Variants in GALNT9 observed in about 807,000 individuals in gnomAD.
GALNT9 encodes polypeptide N-acetylgalactosaminyltransferase 9.
Under a neutral mutation model 63.1 loss-of-function variants are expected in GALNT9, and 47 were observed. The observed-to-expected ratio is 0.75, with a 90% CI of 0.59 to 0.95. The LOEUF (loss-of-function observed/expected upper bound fraction) is 0.95. Ranked by LOEUF, GALNT9 falls within the 40% of genes least tolerant of loss-of-function variation. The pLI is 0.00. For synonymous variants in GALNT9, 396 were observed against 365.7 expected, an observed-to-expected ratio of 1.08 and a Z score of -0.94; for missense variants, 829 against 874.8, an observed-to-expected ratio of 0.95 and a Z score of 0.66.
chr12:132,307,900 G>A (rs1555244792), intron 1 of GALNT9, among the ~76,000 whole-genome samples: 1 of 151,902 alleles, frequency 6.6e-6, no homozygotes, highest in African/African-American at 2.4e-5. Context: ...GCTGGGCGCA[G>A]TGGCTCACAC....
In GALNT9 at chr12:132,250,956, A is replaced by G. The variant is rs536442780; in HGVS notation, c.960-2929T>C. ...GGCCTAGTGAGCCCGGTGCCCGTGAACCTGGGATAGGTACGTAAACAGCAG... is the reference window on the plus strand; with the variant it reads ...GGCCTAGTGAGCCCGGTGCCCGTGAGCCTGGGATAGGTACGTAAACAGCAG... On this transcript the variant is annotated intron_variant, in intron 5 of 10. Transcript: ENST00000328957. Among the ~76,000 whole-genome samples, 8 of 152,302 alleles carry G rather than the reference A, an allele frequency of 5.3e-5. No homozygotes were observed. In the South Asian group the frequency reaches 1.0e-3, roughly 20 times the overall value.
chr12:132,318,271 C>T (rs1371721787), intron 1 of GALNT9, among the ~76,000 whole-genome samples: 1 of 152,228 alleles, frequency 6.6e-6, no homozygotes, highest in South Asian at 2.1e-4. Flanking sequence ...CAAGCGTGGG[C>T]GGCAGGACGC....
intron 1 of GALNT9, among the ~76,000 whole-genome samples, chr12:132,311,764 G>A (rs771763310): frequency 9.9e-5 from 15 of 152,054 alleles, no homozygotes; most frequent in South Asian, 2.1e-4. Flanking sequence ...ATCACCTTCC[G>A]GCAATCCAGG....
intron 1 of GALNT9, among the ~76,000 whole-genome samples, chr12:132,322,838 T>C (rs1868866442): frequency 6.6e-6 from 1 of 152,178 alleles, no homozygotes; most frequent in Non-Finnish European, 1.5e-5. Flanking sequence ...AGTTTCTCCT[T>C]CCTGTGAATG....
chr12:132,198,759 C>T (rs1425267087), intron 9 of GALNT9, among the ~76,000 whole-genome samples: 3 of 152,200 alleles, frequency 2.0e-5, no homozygotes, highest in African/African-American at 4.8e-5. Flanking sequence ...TCAGGTGATC[C>T]TCCTGCCTCA....
chr12:132,229,696 C>G (rs902373125), intron 6 of GALNT9, among the ~76,000 whole-genome samples: 20 of 152,364 alleles, frequency 1.3e-4, no homozygotes, highest in African/African-American at 4.8e-4. Flanking sequence ...TGGGAAGCCA[C>G]CAGCCTCTCC....
rs750877406 is a variant in GALNT9, at chr12:132,203,705, C to T, written c.1078-15G>A. 34 of 1,607,110 alleles carry T rather than the reference C, an allele frequency of 2.1e-5. No individual in the cohort carries two copies. Among genetic ancestry groups the T allele is most frequent in the Middle Eastern group, 1.8e-4 (1 of 5,704 alleles). On this transcript the variant is annotated splice_polypyrimidine_tract_variant and intron_variant, in intron 6 of 10. Transcript: ENST00000328957. ...CACTGCCACACCTGCGGGGAGACGGCGCTGGGTGCCGGCGTCCTTCCCAAC... is the reference window on the plus strand; with the variant it reads ...CACTGCCACACCTGCGGGGAGACGGTGCTGGGTGCCGGCGTCCTTCCCAAC...
At chr12:132,304,183 A>G (rs1431905678) in intron 1 of GALNT9, among the ~76,000 whole-genome samples, 5 of 22,452 alleles carry the variant, frequency 2.2e-4, no homozygotes, top group Admixed American at 5.4e-4. Flanking sequence ...ACCCTCACCC[A>G]GACACGCCCT....
At chr12:132,260,473 T>A (rs181103004) in intron 4 of GALNT9, among the ~76,000 whole-genome samples, 5,110 of 148,312 alleles carry the variant, frequency 0.034, 138 homozygotes, top group East Asian at 0.082. Context: ...CCCCTTGCAC[T>A]AGGCTAAGGC....
chr12:132,226,282 A>G (rs2135523659), intron 6 of GALNT9, among the ~76,000 whole-genome samples: 1 of 149,572 alleles, frequency 6.7e-6, no homozygotes, highest in African/African-American at 2.5e-5. Context: ...CACCCCACAC[A>G]TACACCTCAT....
In GALNT9 at chr12:132,197,938, C is replaced by A; in HGVS notation, c.1519G>T (p.Gly507Ter). The A allele has an allele frequency of 6.2e-7, 1 of 1,611,284 alleles. No homozygotes were observed. The highest frequency in any genetic ancestry group is 8.5e-7 in the Non-Finnish European group (1 of 1,179,364). Reference sequence around the variant, plus strand: ...CCCAGAGGCCCCAGCTGCAGCAGTCCATCAGCGCTGTACCGCACCAGCTGG... The same window carrying A: ...CCCAGAGGCCCCAGCTGCAGCAGTCAATCAGCGCTGTACCGCACCAGCTGG... ...SSQLVRYSAD[G>*]LLQLGPLGST... is the part of the protein sequence containing the mutation. The change falls in exon 10 of 11, where the codon GGA (glycine) becomes TGA (stop). Residue 507 changes from glycine to a stop codon, truncating the protein, a stop_gained. Coordinates refer to ENST00000328957, the MANE Select transcript of GALNT9 (RefSeq NM_001122636.2). LOFTEE classifies it high-confidence loss of function.
chr12:132,308,374 G>A (rs1881690400), intron 1 of GALNT9, among the ~76,000 whole-genome samples: 1 of 152,248 alleles, frequency 6.6e-6, no homozygotes, highest in Admixed American at 6.5e-5. Context: ...AGGAGGCTAA[G>A]CTGGTGCAGC....
chr12:132,256,566 C>A (rs1555239096), intron 5 of GALNT9, among the ~76,000 whole-genome samples: 11 of 131,156 alleles, frequency 8.4e-5, no homozygotes. Context: ...GGAGGGGGGA[C>A]ACGGGGGACA....
chr12:132,218,727 C>T (rs959622575), intron 6 of GALNT9, among the ~76,000 whole-genome samples: 48 of 152,216 alleles, frequency 3.2e-4, no homozygotes, highest in African/African-American at 1.1e-3. Context: ...TCATCAATGT[C>T]CAACAGGAAA....
Position 132,252,316 on chromosome 12 carries a change from G to A in GALNT9, c.960-4289C>T, listed in dbSNP as rs996602411. On this transcript the variant is annotated intron_variant, in intron 5 of 10. Transcript: ENST00000328957. The surrounding 1 kb of genome is among the most constrained non-coding windows in gnomAD (Gnocchi z 5.2). The stretch of plus-strand genomic sequence containing the variant: ...GGGCACCTCCTGCAGCCGCATCCCC[G>A]CCACGACTGAAGCCTTCGTGTCTTG... Among the ~76,000 whole-genome samples, 3 of 152,198 alleles carry A rather than the reference G, an allele frequency of 2.0e-5. No individual in the cohort carries two copies. The highest frequency in any genetic ancestry group is 4.8e-5 in the African/African-American group (2 of 41,452).
chr12:132,226,253 C>T (rs1293234532), intron 6 of GALNT9, among the ~76,000 whole-genome samples: 3 of 149,600 alleles, frequency 2.0e-5, no homozygotes, highest in Admixed American at 2.0e-4. Context: ...ATACACACAC[C>T]CCACACACGG....
rs118124198 is a variant in GALNT9 at position 132,279,381 on chromosome 12, T to C, written c.419+6869A>G. On this transcript the variant is annotated intron_variant, in intron 2 of 10. Transcript: ENST00000328957. This position sits in a 1 kb window ranked among gnomAD's most constrained non-coding sequence, Gnocchi z 4.1. ...CAGTGGGGACGGCTGGCTGCAGCTG[T>C]CAGACTTGGAGCGTGAGGACAGAGC... The C allele has an allele frequency of 0.012, 1,903 of 152,380 alleles. 35 individuals carry two copies. Among genetic ancestry groups the C allele is most frequent in the South Asian group, 0.098 (471 of 4,820 alleles). The allele number at this position is 152,380 out of a possible 1,614,324, so 9.4% of individuals were successfully genotyped here.
chr12:132,222,945 CACACA>C (rs1877519366), intron 6 of GALNT9, among the ~76,000 whole-genome samples: 1 of 95,816 alleles, frequency 1.0e-5, no homozygotes, highest in African/African-American at 3.8e-5. Context: ...CCACACACAC[CACACA>C]ACTCACACCC....
At chr12:132,218,910 T>A (rs1292334288) in intron 6 of GALNT9, among the ~76,000 whole-genome samples, 1 of 152,104 alleles carries the variant, frequency 6.6e-6, no homozygotes, top group Non-Finnish European at 1.5e-5. Context: ...AACAAGTGGT[T>A]CTCAAAGTGA....
Sources: gnomAD v4.1 joint callset for allele counts (sites outside exome capture counted in the v4.1 genomes callset) on GRCh38, gnomAD v4.1.1 for gene constraint, Gnocchi (gnomAD v3.1) non-coding constraint, MANE v1.5 for transcripts, NCBI Gene and HGNC (gene_info 2026-07-23, HGNC 2026-07-21) for gene names.